NAALADL2: variants seen among roughly 807,000 people sequenced by gnomAD.
The protein encoded by NAALADL2 is inactive N-acetylated-alpha-linked acidic dipeptidase-like protein 2.
A neutral mutation model predicts 87.2 loss-of-function variants in NAALADL2; 76 were observed. The ratio of observed to expected loss-of-function variants is 0.87; its 90% CI spans 0.72 to 1.05. The LOEUF (loss-of-function observed/expected upper bound fraction) is 1.05, where lower values mean the gene tolerates loss of function less well. Ranked by LOEUF, NAALADL2 falls within the 50% of genes least tolerant of loss-of-function variation. The probability of loss-of-function intolerance (pLI) is 0.00; values close to 1 mark genes in which losing one functional copy is unlikely to be tolerated. For missense variants in NAALADL2, 1,089 were observed against 945.8 expected (o/e 1.15, Z -1.99); for synonymous variants, 354 against 331.0 (o/e 1.07, Z -0.75).
At chr3:175,112,649 AATT>A in intron 2 of NAALADL2, 1 of 151,654 alleles carries the variant, frequency 6.6e-6, no homozygotes. Flanking sequence ...CCAGTTACAG[AATT>A]ATTAATAATT....
At chr3:174,647,306 T>G (rs565585858) in intron 2 of NAALADL2, among the ~76,000 whole-genome samples, 1 of 152,222 alleles carries the variant, frequency 6.6e-6, no homozygotes, top group African/African-American at 2.4e-5. Context: ...TTAGAACTGG[T>G]TTGTGAATAA....
At chr3:174,548,829 T>G (rs2108485919) in intron 1 of NAALADL2, among the ~76,000 whole-genome samples, 1 of 152,302 alleles carries the variant, frequency 6.6e-6, no homozygotes, top group East Asian at 1.9e-4. Flanking sequence ...TTTAAGTTGC[T>G]AATATATATT....
chr3:175,423,147 G>A (rs1208311824), intron 5 of NAALADL2, among the ~76,000 whole-genome samples: 1 of 107,044 alleles, frequency 9.3e-6, no homozygotes, highest in East Asian at 2.7e-4. Context: ...AGAATTCTAA[G>A]GTAAATGTTC....
chr3:174,884,619 A>G (rs1289766096), intron 1 of NAALADL2, among the ~76,000 whole-genome samples: 3 of 152,128 alleles, frequency 2.0e-5, no homozygotes, highest in African/African-American at 7.2e-5. Flanking sequence ...TATCTGGAAT[A>G]AGTGTCTAGG....
chr3:174,855,775 T>TACACAC (rs10576439), upstream of NAALADL2, among the ~76,000 whole-genome samples: 167 of 135,648 alleles, frequency 1.2e-3, no homozygotes, highest in African/African-American at 3.4e-3. Context: ...AGGAGAGAAA[T>TACACAC]ACACACACAC....
chr3:175,353,452 T>A (rs114179296), intron 5 of NAALADL2, among the ~76,000 whole-genome samples: 2,194 of 152,246 alleles, frequency 0.014, 51 homozygotes, highest in African/African-American at 0.051. Flanking sequence ...AACCTAAAGA[T>A]AAAAGGGCAT....
chr3:175,641,395 T>C (rs757597161), intron 11 of NAALADL2, among the ~76,000 whole-genome samples: 62 of 152,212 alleles, frequency 4.1e-4, no homozygotes, highest in Admixed American at 2.6e-4. Context: ...AGTATGTTTA[T>C]GTCTTGCTTC....
intron 3 of NAALADL2, among the ~76,000 whole-genome samples, chr3:174,853,583 C>T (rs1725511317): frequency 6.6e-6 from 1 of 151,788 alleles, no homozygotes; most frequent in Admixed American, 6.6e-5. Flanking sequence ...AAACAATCTA[C>T]AAACTGAAGA....
rs1427383994 is a variant in NAALADL2, at chr3:175,409,929, A to G, written c.1091-37300A>G. 2.6e-5 allele frequency among the ~76,000 whole-genome samples: 4 copies of G among 152,066 alleles called. No individual in the cohort carries two copies. In the East Asian group the frequency reaches 7.7e-4, roughly 29 times the overall value. On this transcript the variant is annotated intron_variant, in intron 5 of 13. Coordinates refer to ENST00000454872, the MANE Select transcript of NAALADL2 (RefSeq NM_207015.3). The stretch of plus-strand genomic sequence containing the variant: ...AATTCATCATTCAAAGGGAAGAATC[A>G]GGGGATATTGCTGAAATATGGAAGG...
intron 12 of NAALADL2, among the ~76,000 whole-genome samples, chr3:175,740,925 G>A (rs544777300): frequency 6.6e-6 from 1 of 152,294 alleles, no homozygotes; most frequent in South Asian, 2.1e-4. Flanking sequence ...TCCTGTAACA[G>A]TGGTATAGGT....
intron 5 of NAALADL2, among the ~76,000 whole-genome samples, chr3:175,419,144 T>C (rs1715210222): frequency 6.6e-6 from 1 of 151,890 alleles, no homozygotes; most frequent in South Asian, 2.1e-4. Context: ...ATTCTCATAA[T>C]CATTTTACAT....
intron 1 of NAALADL2, among the ~76,000 whole-genome samples, chr3:174,989,609 A>C (rs1484679522): frequency 6.6e-6 from 1 of 152,170 alleles, no homozygotes; most frequent in African/African-American, 2.4e-5. Context: ...AAAAATATTA[A>C]ACTGCTAGAA....
intron 2 of NAALADL2, among the ~76,000 whole-genome samples, chr3:174,696,923 T>G (rs892660470): frequency 6.6e-6 from 1 of 152,082 alleles, no homozygotes; most frequent in South Asian, 2.1e-4. Context: ...GTTCAACAAG[T>G]GTAAAATTCA....
chr3:175,741,879 T>A (rs554769050), intron 12 of NAALADL2, among the ~76,000 whole-genome samples: 1 of 152,312 alleles, frequency 6.6e-6, no homozygotes, highest in South Asian at 2.1e-4. Context: ...CCAACGTTAA[T>A]GACGCACCCA....
intron 3 of NAALADL2, among the ~76,000 whole-genome samples, chr3:175,250,273 G>GTC (rs1748816202): frequency 1.3e-5 from 2 of 151,418 alleles, no homozygotes; most frequent in Non-Finnish European, 2.9e-5. Context: ...GTGTGTGTGT[G>GTC]TGTGTGTGTG....
chr3:174,860,210 G>C (rs1303446396), intron 1 of NAALADL2, among the ~76,000 whole-genome samples: 1 of 152,046 alleles, frequency 6.6e-6, no homozygotes, highest in Non-Finnish European at 1.5e-5. Context: ...ACATAGATCT[G>C]CATGATCCTA....
chr3:174,469,201 C>T (rs1716739646), intron 1 of NAALADL2, among the ~76,000 whole-genome samples: 1 of 152,088 alleles, frequency 6.6e-6, no homozygotes, highest in Admixed American at 6.5e-5. Flanking sequence ...CATACTACTT[C>T]TCCTCTGGAC....
intron 11 of NAALADL2, among the ~76,000 whole-genome samples, chr3:175,694,187 A>G (rs1227343365): frequency 2.0e-5 from 3 of 152,170 alleles, no homozygotes; most frequent in Non-Finnish European, 2.9e-5. Context: ...TACAATATAG[A>G]CATTATATAG....
At chr3:174,517,279 G>A (rs1312110577) in intron 1 of NAALADL2, among the ~76,000 whole-genome samples, 5 of 151,992 alleles carry the variant, frequency 3.3e-5, no homozygotes, top group African/African-American at 1.2e-4. Context: ...TGTGCCACTG[G>A]ATCATTCTTT....
Sources: gnomAD v4.1 joint callset for allele counts (sites outside exome capture counted in the v4.1 genomes callset) on GRCh38, gnomAD v4.1.1 for gene constraint, MANE v1.5 for transcripts, NCBI Gene and HGNC (gene_info 2026-07-23, HGNC 2026-07-21) for gene names.